AGBL1: variants seen among roughly 807,000 people sequenced by gnomAD.
AGBL1 encodes the protein AGBL carboxypeptidase 1, also known as cytosolic carboxypeptidase 4.
A neutral mutation model predicts 118.9 loss-of-function variants in AGBL1; 130 were observed. The ratio of observed to expected loss-of-function variants is 1.09; its 90% CI spans 0.95 to 1.26. The LOEUF is 1.26. Ranked by LOEUF, AGBL1 falls within the 50% of genes most tolerant of loss-of-function variation. The probability of loss-of-function intolerance (pLI) is 0.00; values close to 1 mark genes in which losing one functional copy is unlikely to be tolerated. For missense variants in AGBL1, 1,584 were observed against 1,298.1 expected (o/e 1.22, Z -3.38); for synonymous variants, 555 against 478.9 (o/e 1.16, Z -2.08).
intron 22 of AGBL1, among the ~76,000 whole-genome samples, chr15:86,729,538 C>T (rs1367109114): frequency 6.6e-6 from 1 of 152,192 alleles, no homozygotes; most frequent in African/African-American, 2.4e-5. Context: ...ATTTTGTTTT[C>T]TGTTCCTGTA....
Position 86,257,029 on chromosome 15 carries a change from T to G in AGBL1, c.901+11T>G. The G allele has an allele frequency of 6.2e-7, 1 of 1,612,068 alleles. No homozygotes were observed. The highest frequency in any genetic ancestry group is 8.5e-7 in the Non-Finnish European group (1 of 1,178,928). On this transcript the variant is annotated intron_variant, in intron 8 of 22. Coordinates refer to ENST00000614907, the MANE Select transcript of AGBL1 (RefSeq NM_001386094.1). ...ATGATCTACCTGAAGGTAAAATAAG[T>G]TGGTAACTATGACCTTTAAGATGAG...
At chr15:86,196,499 C>G (rs552930177) in intron 5 of AGBL1, among the ~76,000 whole-genome samples, 11 of 152,224 alleles carry the variant, frequency 7.2e-5, no homozygotes, top group African/African-American at 2.6e-4. Flanking sequence ...GGGTATTAGC[C>G]TTATTCCTAC....
chr15:86,822,368 T>C (rs2078953318), intron 22 of AGBL1, among the ~76,000 whole-genome samples: 1 of 152,170 alleles, frequency 6.6e-6, no homozygotes, highest in African/African-American at 2.4e-5. Context: ...TAAATTAGTA[T>C]AGCACCAGCA....
chr15:86,601,953 A>G (rs1365217951), intron 21 of AGBL1, among the ~76,000 whole-genome samples: 1 of 152,108 alleles, frequency 6.6e-6, no homozygotes, highest in African/African-American at 2.4e-5. Context: ...TTTCCACTAG[A>G]TTACCTGGAC....
intron 23 of AGBL1, among the ~76,000 whole-genome samples, chr15:86,940,865 G>A (rs2080742810): frequency 6.6e-6 from 1 of 152,100 alleles, no homozygotes; most frequent in Non-Finnish European, 1.5e-5. Context: ...AATTTGAAAG[G>A]ACCAATCACT....
At chr15:86,792,330 T>C (rs1232963185) in intron 22 of AGBL1, among the ~76,000 whole-genome samples, 2 of 152,184 alleles carry the variant, frequency 1.3e-5, no homozygotes, top group Non-Finnish European at 2.9e-5. Flanking sequence ...TAGAATAATT[T>C]GTTTATTAGC....
intron 21 of AGBL1, among the ~76,000 whole-genome samples, chr15:86,574,670 C>T (rs1282038753): frequency 6.8e-6 from 1 of 147,648 alleles, no homozygotes; most frequent in East Asian, 2.0e-4. Context: ...CTCCACCTCC[C>T]AGGTTCAAGC....
chr15:86,620,545 G>T (rs1276441251), intron 21 of AGBL1, among the ~76,000 whole-genome samples: 1 of 152,098 alleles, frequency 6.6e-6, no homozygotes, highest in Non-Finnish European at 1.5e-5. Context: ...GGCTTCCCCA[G>T]TGACCTTAAT....
intron 22 of AGBL1, among the ~76,000 whole-genome samples, chr15:86,725,315 C>T (rs1057234754): frequency 4.6e-5 from 7 of 152,050 alleles, no homozygotes; most frequent in Non-Finnish European, 1.0e-4. Flanking sequence ...CTAGATGTTA[C>T]GGGAACACAG....
intron 17 of AGBL1, among the ~76,000 whole-genome samples, chr15:86,390,168 T>C (rs57726257): frequency 0.025 from 3,862 of 152,264 alleles, 168 homozygotes; most frequent in African/African-American, 0.089. Flanking sequence ...ACTGGAGAGA[T>C]ATAATGATAA....
chr15:86,119,094 G>T (rs1392507813), intron 1 of AGBL1, among the ~76,000 whole-genome samples: 1 of 152,136 alleles, frequency 6.6e-6, no homozygotes, highest in East Asian at 1.9e-4. Flanking sequence ...TAGATTATTG[G>T]CTTGATTAGG....
chr15:86,866,398 A>C (rs2079630588), intron 22 of AGBL1, among the ~76,000 whole-genome samples: 1 of 152,214 alleles, frequency 6.6e-6, no homozygotes, highest in African/African-American at 2.4e-5. Flanking sequence ...GGAGGTATGC[A>C]AACTGTGATC....
intron 22 of AGBL1, among the ~76,000 whole-genome samples, chr15:86,792,238 C>A (rs1273706557): frequency 2.0e-5 from 3 of 152,168 alleles, no homozygotes; most frequent in Non-Finnish European, 4.4e-5. Flanking sequence ...CATCAGAATT[C>A]CATGGGGTGT....
At chr15:86,133,113 C>A (rs2076840594) in intron 1 of AGBL1, among the ~76,000 whole-genome samples, 2 of 152,144 alleles carry the variant, frequency 1.3e-5, no homozygotes, top group South Asian at 4.1e-4. Flanking sequence ...TTGGGTGTTA[C>A]AGAGGTTATG....
downstream of AGBL1, among the ~76,000 whole-genome samples, chr15:87,029,417 A>C (rs1039719918): frequency 1.3e-5 from 2 of 151,860 alleles, no homozygotes; most frequent in African/African-American, 4.8e-5. Flanking sequence ...TAGTTCATGC[A>C]TGCTTTGATG....
At chr15:86,108,113 G>A (rs1400684611) in intron 1 of AGBL1, among the ~76,000 whole-genome samples, 2 of 152,172 alleles carry the variant, frequency 1.3e-5, no homozygotes, top group African/African-American at 4.8e-5. Flanking sequence ...TAACTTGCAA[G>A]CCAATTATCT....
At chr15:86,308,523 TATA>T (rs1265798418) in intron 17 of AGBL1, among the ~76,000 whole-genome samples, 6 of 152,220 alleles carry the variant, frequency 3.9e-5, no homozygotes, top group Non-Finnish European at 8.8e-5. Context: ...CCACCCAGTC[TATA>T]ATATTTCTTC....
intron 23 of AGBL1, among the ~76,000 whole-genome samples, chr15:86,967,912 T>C (rs1211197336): frequency 6.6e-6 from 1 of 152,136 alleles, no homozygotes; most frequent in Non-Finnish European, 1.5e-5. Flanking sequence ...TAAATTACCT[T>C]GGGCAGTATG....
intron 5 of AGBL1, among the ~76,000 whole-genome samples, chr15:86,196,083 T>C (rs1012582868): frequency 1.5e-4 from 23 of 152,350 alleles, no homozygotes; most frequent in Non-Finnish European, 2.1e-4. Context: ...TTGTACATTT[T>C]TAAGAAAGTG....
Sources: gnomAD v4.1 joint callset for allele counts (sites outside exome capture counted in the v4.1 genomes callset) on GRCh38, gnomAD v4.1.1 for gene constraint, MANE v1.5 for transcripts, NCBI Gene and HGNC (gene_info 2026-07-23, HGNC 2026-07-21) for gene names.